CD38: variants seen among roughly 807,000 people sequenced by gnomAD.
CD38 encodes ADP-ribosyl cyclase/cyclic ADP-ribose hydrolase 1.
CD38 carries 31 observed loss-of-function variants against 36.3 expected under a neutral mutation model. That is an observed-to-expected ratio of 0.85 (90% confidence interval 0.64 to 1.15). The LOEUF (loss-of-function observed/expected upper bound fraction) is 1.15. CD38 is among the 50% of genes most tolerant of loss of function. The probability of loss-of-function intolerance (pLI) is 0.00; values close to 1 mark genes in which losing one functional copy is unlikely to be tolerated. For missense variants in CD38, 380 were observed against 371.9 expected (o/e 1.02, Z -0.18); for synonymous variants, 131 against 135.2 (o/e 0.97, Z 0.22).
intron 3 of CD38, among the ~76,000 whole-genome samples, chr4:15,829,242 T>C (rs1037449126): frequency 1.3e-5 from 2 of 152,198 alleles, no homozygotes; most frequent in African/African-American, 2.4e-5. Flanking sequence ...TTTTTGTGCA[T>C]ACATAATAGG....
At chr4:15,808,817 G>A (rs904755963) in intron 1 of CD38, among the ~76,000 whole-genome samples, 1 of 152,236 alleles carries the variant, frequency 6.6e-6, no homozygotes, top group African/African-American at 2.4e-5. Context: ...TGGTGGCTGA[G>A]TAGGTGGCTC....
intron 1 of CD38, among the ~76,000 whole-genome samples, chr4:15,816,160 G>A (rs1723589945): frequency 6.6e-6 from 1 of 152,114 alleles, no homozygotes; most frequent in Non-Finnish European, 1.5e-5. Context: ...GCTGGATTCA[G>A]TTTGCCAGTA....
At chr4:15,804,700 A>G (rs1360191663) in intron 1 of CD38, among the ~76,000 whole-genome samples, 1 of 152,218 alleles carries the variant, frequency 6.6e-6, no homozygotes, top group Non-Finnish European at 1.5e-5. Context: ...TCTCACTTAC[A>G]TGTGGGAGCT....
intron 1 of CD38, among the ~76,000 whole-genome samples, chr4:15,800,037 G>A (rs1723185911): frequency 6.6e-6 from 1 of 152,100 alleles, no homozygotes; most frequent in African/African-American, 2.4e-5. Context: ...GCCTGCAGCT[G>A]CAGAAAAATG....
intron 1 of CD38, among the ~76,000 whole-genome samples, chr4:15,786,203 G>T (rs536071648): frequency 3.9e-5 from 6 of 152,292 alleles, no homozygotes; most frequent in Non-Finnish European, 5.9e-5. Flanking sequence ...AGAACGGGAC[G>T]CCAATGGGTT....
chr4:15,834,229 A>G lies in CD38; in HGVS notation c.512A>G (p.Gln171Arg). 1 of 1,606,844 alleles carries G rather than the reference A, an allele frequency of 6.2e-7. No individual in the cohort carries two copies. Among genetic ancestry groups the G allele is most frequent in the Non-Finnish European group, 8.5e-7 (1 of 1,173,460 alleles). ...CTATGTCTTTTAGAAATAAACTATC[A>G]ATCTTGCCCAGACTGGAGAAAGGAC... ...GEFNTSKINYQSCPDWRKDCS... is the reference protein window; with the variant it reads ...GEFNTSKINYRSCPDWRKDCS... The change falls in exon 4 of 8, where the codon CAA (glutamine) becomes CGA (arginine). Residue 171 changes from glutamine (Q) to arginine (R), a missense_variant. Physicochemically the swap from Gln to Arg is conservative, Grantham distance 43. Transcript: ENST00000226279.
intron 1 of CD38, among the ~76,000 whole-genome samples, chr4:15,811,351 G>A (rs1449707359): frequency 1.3e-5 from 2 of 152,076 alleles, no homozygotes; most frequent in African/African-American, 4.8e-5. Context: ...CTAATCCAAG[G>A]TTATGACAAT....
At chr4:15,819,529 A>T (rs1394971480) in intron 2 of CD38, among the ~76,000 whole-genome samples, 1 of 152,202 alleles carries the variant, frequency 6.6e-6, no homozygotes, top group Non-Finnish European at 1.5e-5. Context: ...GTTAACCAGA[A>T]TAACTGGTTT....
At chr4:15,818,826 A>C (rs1445933710) in intron 2 of CD38, among the ~76,000 whole-genome samples, 1 of 152,228 alleles carries the variant, frequency 6.6e-6, no homozygotes, top group Non-Finnish European at 1.5e-5. Flanking sequence ...CATCAATGAA[A>C]AAGACCCCAC....
Position 15,812,116 on chromosome 4 carries a change from C to T in CD38, c.234-4395C>T, listed in dbSNP as rs192855969. 2.6e-5 allele frequency among the ~76,000 whole-genome samples: 4 copies of T among 152,296 alleles called. No individual in the cohort carries two copies. In the East Asian group the frequency reaches 7.7e-4, roughly 29 times the overall value. On this transcript the variant is annotated intron_variant, in intron 1 of 7. Transcript: ENST00000226279. ...TGTGCCTGTTAAATAACTTGACATA[C>T]TATTATCATCAGAGTAGGGCCAGTT...
intron 1 of CD38, among the ~76,000 whole-genome samples, chr4:15,791,217 GT>G (rs1262138413): frequency 2.1e-4 from 16 of 76,500 alleles, no homozygotes; most frequent in African/African-American, 8.2e-4. Context: ...AGTCCGGGAG[GT>G]GAGGGGCGCC....
intron 1 of CD38, among the ~76,000 whole-genome samples, chr4:15,787,436 C>G (rs9990613): frequency 0.43 from 65,145 of 152,062 alleles, 16,078 homozygotes; most frequent in African/African-American, 0.69. Context: ...ACCTGCCATG[C>G]TGGTGTTTGG....
intron 1 of CD38, among the ~76,000 whole-genome samples, chr4:15,783,740 G>T (rs1722746941): frequency 6.6e-6 from 1 of 152,134 alleles, no homozygotes; most frequent in Non-Finnish European, 1.5e-5. Context: ...CATCTTTTCT[G>T]ATTCATGTTC....
At chr4:15,786,860 C>T (rs6853351) in intron 1 of CD38, among the ~76,000 whole-genome samples, 64,940 of 151,918 alleles carry the variant, frequency 0.43, 15,962 homozygotes, top group African/African-American at 0.69. Context: ...TGGTGGGCTA[C>T]AGGTCCCAAG....
At chr4:15,789,592 G>A (rs1431204828) in intron 1 of CD38, among the ~76,000 whole-genome samples, 2 of 152,168 alleles carry the variant, frequency 1.3e-5, no homozygotes, top group Non-Finnish European at 2.9e-5. Context: ...TCCCAGAAGT[G>A]GCAGGATGAG....
intron 1 of CD38, among the ~76,000 whole-genome samples, chr4:15,800,608 C>T (rs1723198021): frequency 6.6e-6 from 1 of 152,048 alleles, no homozygotes; most frequent in East Asian, 1.9e-4. Flanking sequence ...AATCTTTTGC[C>T]CATCTTTAAA....
chr4:15,778,684 G>C lies in CD38; in HGVS notation c.233+37G>C. ...ACTAAGGCGCACCGGTGGGCACTGCGGGGACAGCAGGGCCCCGCGCGCAGG... is the reference window on the plus strand; with the variant it reads ...ACTAAGGCGCACCGGTGGGCACTGCCGGGACAGCAGGGCCCCGCGCGCAGG... On this transcript the variant is annotated intron_variant, in intron 1 of 7. Coordinates refer to ENST00000226279, the MANE Select transcript of CD38 (RefSeq NM_001775.4). The surrounding 1 kb of genome is among the most constrained non-coding windows in gnomAD (Gnocchi z 4.9). The C allele has an allele frequency of 7.2e-7, 1 of 1,391,676 alleles. No homozygotes were observed. The allele number at this position is 1,391,676 out of a possible 1,614,324, so 86.2% of individuals were successfully genotyped here. A position where few individuals can be genotyped will look rare whatever the true frequency, so the allele number is the denominator to read the frequency against.
chr4:15,798,242 G>T (rs1294546948), intron 1 of CD38, among the ~76,000 whole-genome samples: 1 of 152,156 alleles, frequency 6.6e-6, no homozygotes, highest in Non-Finnish European at 1.5e-5. Context: ...CAGAAGTGGG[G>T]TGGTCATAGG....
At chr4:15,802,540 TATTTTATTTTATTTC>T (rs1723251402) in intron 1 of CD38, among the ~76,000 whole-genome samples, 1 of 109,612 alleles carries the variant, frequency 9.1e-6, no homozygotes, top group Non-Finnish European at 1.8e-5. Context: ...TATTTTATTT[TATTTTATTTTATTTC>T]ACTTCATTTC....
Sources: allele counts gnomAD v4.1 joint callset (sites outside exome capture counted in the v4.1 genomes callset), GRCh38; gene constraint gnomAD v4.1.1; non-coding constraint Gnocchi (gnomAD v3.1); transcripts MANE v1.5; gene names NCBI Gene and HGNC (gene_info 2026-07-23, HGNC 2026-07-21).